NT5C2: variants seen among roughly 807,000 people sequenced by gnomAD.
NT5C2 encodes the protein 5'-nucleotidase, cytosolic II, also known as cytosolic purine 5'-nucleotidase.
In NT5C2, 58 loss-of-function variants were observed where a neutral mutation model predicts 76.1. That is an observed-to-expected ratio of 0.76 (90% CI 0.62 to 0.95). The LOEUF (loss-of-function observed/expected upper bound fraction) is 0.95, where lower values mean the gene tolerates loss of function less well. Ranked by LOEUF, NT5C2 falls within the 40% of genes least tolerant of loss-of-function variation. The probability of loss-of-function intolerance (pLI) is 0.00; values close to 1 mark genes in which losing one functional copy is unlikely to be tolerated. For missense variants in NT5C2, 478 were observed against 690.3 expected, an observed-to-expected ratio of 0.69 and a Z score of 3.45; for synonymous variants, 229 against 237.4, an observed-to-expected ratio of 0.96 and a Z score of 0.32.
intron 2 of NT5C2, chr10:103,176,189 G>C (rs1172916514): frequency 6.5e-6 from 1 of 153,388 alleles, no homozygotes; most frequent in African/African-American, 2.4e-5. Flanking sequence ...GAAAGGAAGG[G>C]GCTATTGCCT....
chr10:103,186,228 T>C (rs1048627497), intron 1 of NT5C2, among the ~76,000 whole-genome samples: 8 of 152,176 alleles, frequency 5.3e-5, no homozygotes, highest in African/African-American at 7.2e-5. Flanking sequence ...GTTTCTTCCA[T>C]TGCAAAACAG....
intron 3 of NT5C2, among the ~76,000 whole-genome samples, chr10:103,163,255 A>T (rs1049126539): frequency 4.6e-5 from 7 of 152,222 alleles, no homozygotes; most frequent in Non-Finnish European, 8.8e-5. Flanking sequence ...AACATTATCC[A>T]TTGTGTGAAC....
chr10:103,183,015 T>C (rs1278589327), intron 1 of NT5C2, among the ~76,000 whole-genome samples: 1 of 151,944 alleles, frequency 6.6e-6, no homozygotes, highest in Non-Finnish European at 1.5e-5. Context: ...CTCTGTAACA[T>C]AGCCACAGAC....
At chr10:103,164,111 G>A (rs1413419461) in intron 3 of NT5C2, among the ~76,000 whole-genome samples, 3 of 152,078 alleles carry the variant, frequency 2.0e-5, no homozygotes, top group Non-Finnish European at 4.4e-5. Context: ...TAGGTGTGGT[G>A]GTGTGCTCCT....
At chr10:103,172,085 C>A (rs913322136) in intron 3 of NT5C2, among the ~76,000 whole-genome samples, 12 of 151,836 alleles carry the variant, frequency 7.9e-5, no homozygotes, top group Admixed American at 7.9e-4. Flanking sequence ...TGGTGTGTGC[C>A]TGTAATCCCA....
At chr10:103,189,462 T>C (rs1013482416) in intron 1 of NT5C2, among the ~76,000 whole-genome samples, 10 of 151,400 alleles carry the variant, frequency 6.6e-5, no homozygotes, top group Admixed American at 2.6e-4. Flanking sequence ...AAAAATTAGC[T>C]GGGCGTGGTG....
At position 103,098,998 on chromosome 10, in the gene NT5C2, A is replaced by C. The variant is rs200522283; in HGVS notation, c.634-14T>G. 5.5e-4 allele frequency: 873 copies of C among 1,590,966 alleles called. 8 individuals are homozygous for C. In the South Asian group the frequency reaches 5.9e-3, roughly 11 times the overall value. On this transcript the variant is annotated splice_polypyrimidine_tract_variant and intron_variant, in intron 9 of 18. Transcript: ENST00000404739. Reference sequence around the variant, plus strand: ...CTTAAGGGAGCCCTGGAGGAAGACAAAAAAAAGAATTAAGAAAAGAACAAA... The same window carrying C: ...CTTAAGGGAGCCCTGGAGGAAGACACAAAAAAGAATTAAGAAAAGAACAAA...
intron 3 of NT5C2, among the ~76,000 whole-genome samples, chr10:103,161,680 C>T (rs758181363): frequency 2.6e-5 from 4 of 151,724 alleles, no homozygotes; most frequent in East Asian, 1.9e-4. Flanking sequence ...GCTATGACTG[C>T]GCCACTGTAC....
intron 1 of NT5C2, 120 bp downstream of exon 1, chr10:103,193,115 CG>C: frequency 7.3e-6 from 1 of 136,378 alleles, no homozygotes; most frequent in Non-Finnish European, 1.6e-5. Context: ...CCCTGGGGGC[CG>C]GGGGCGGGGG....
At chr10:103,097,244 C>T (rs2068431051) in intron 11 of NT5C2, 47 bp downstream of exon 11, 2 of 1,381,758 alleles carry the variant, frequency 1.4e-6, no homozygotes, top group Non-Finnish European at 2.0e-6. Flanking sequence ...GTTCTTTAGG[C>T]CAAAATAATT....
At chr10:103,105,016 T>G (rs1329224630) in intron 6 of NT5C2, among the ~76,000 whole-genome samples, 4 of 152,134 alleles carry the variant, frequency 2.6e-5, no homozygotes, top group African/African-American at 9.7e-5. Flanking sequence ...CTACAGAAGT[T>G]GTCAAATTGT....
chr10:103,091,449 G>T lies in NT5C2; in HGVS notation c.1211+115C>A, dbSNP rs192625966. Reference sequence around the variant, plus strand: ...CAACCTCCATTTCCCCGGTTCAAACGATTCTCCTGCCTCAGCCTCCCAAAT... The same window carrying T: ...CAACCTCCATTTCCCCGGTTCAAACTATTCTCCTGCCTCAGCCTCCCAAAT... On this transcript the variant is annotated intron_variant, in intron 16 of 18. Transcript: ENST00000404739. The T allele has an allele frequency of 3.4e-5, 27 of 787,850 alleles. No homozygotes were observed. The East Asian group carries it at 7.0e-4, about 20-fold the overall frequency. 48.8% of individuals were successfully genotyped at this position (787,850 alleles called of 1,614,324 possible). A position where few individuals can be genotyped will look rare whatever the true frequency, so the allele number is the denominator to read the frequency against.
Position 103,145,431 on chromosome 10 carries a change from A to G in NT5C2, c.102-5952T>C, listed in dbSNP as rs1213877471. On this transcript the variant is annotated intron_variant, in intron 3 of 18. Coordinates refer to ENST00000404739, the MANE Select transcript of NT5C2 (RefSeq NM_001351169.2). ...CTGCCCCATCATACATTTCAAAACA[A>G]AAAGATTTATCTGCTTGAGGAATCC... Among the ~76,000 whole-genome samples, 6 of 152,202 alleles carry G rather than the reference A, an allele frequency of 3.9e-5. No individual in the cohort carries two copies. The East Asian group carries it at 1.2e-3, about 29-fold the overall frequency.
Position 103,100,017 on chromosome 10 carries a change from C to G in NT5C2, c.542G>C (p.Cys181Ser). The G allele has an allele frequency of 6.3e-7, 1 of 1,595,914 alleles. No homozygotes were observed. Among genetic ancestry groups the G allele is most frequent in the Non-Finnish European group, 8.6e-7 (1 of 1,164,486 alleles). Residue 181 changes from cysteine (C) to serine (S), a missense_variant and splice_region_variant, in exon 9 of 19, where the codon TGT becomes TCT. Coordinates refer to ENST00000404739, the MANE Select transcript of NT5C2 (RefSeq NM_001351169.2). ...FFTNCPRYTS[C>S]ETGFKDGDLF... Reference sequence around the variant, plus strand: ...GTCCCCATCTTTAAATCCTGTTTCACAACTACAGAAAGATAAAAATAACAT... The same window carrying G: ...GTCCCCATCTTTAAATCCTGTTTCAGAACTACAGAAAGATAAAAATAACAT...
rs572931262 is a variant in NT5C2, at chr10:103,140,869, T to G, written c.102-1390A>C. Among the ~76,000 whole-genome samples, 67 of 152,352 alleles carry G rather than the reference T, an allele frequency of 4.4e-4. No individual in the cohort carries two copies. In the Middle Eastern group the frequency reaches 0.01, roughly 23 times the overall value. On this transcript the variant is annotated intron_variant, in intron 3 of 18. Coordinates refer to ENST00000404739, the MANE Select transcript of NT5C2 (RefSeq NM_001351169.2). ...TCTATGCAGGTCCTTTGCCCATTTT[T>G]GGGTCATTTCTTTTTTCGCTATTGT... is the stretch of plus-strand genomic sequence containing the variant.
At chr10:103,186,724 C>A (rs931327271) in intron 1 of NT5C2, among the ~76,000 whole-genome samples, 1 of 151,004 alleles carries the variant, frequency 6.6e-6, no homozygotes, top group Non-Finnish European at 1.5e-5. Context: ...ACCATCCTGG[C>A]TAACACAGTG....
intron 4 of NT5C2, among the ~76,000 whole-genome samples, chr10:103,132,068 C>G (rs2078281735): frequency 6.6e-6 from 1 of 151,938 alleles, no homozygotes; most frequent in Admixed American, 6.6e-5. Context: ...CGGTGAAACC[C>G]TATCTCTACT....
In NT5C2 at chr10:103,088,070, ATATC is replaced by A. The variant is rs1331419300; in HGVS notation, c.*1598_*1601del. 1.3e-5 allele frequency: 2 copies of A among 152,254 alleles called. No homozygotes were observed. Among genetic ancestry groups the A allele is most frequent in the Non-Finnish European group, 2.9e-5 (2 of 68,046 alleles). The allele number at this position is 152,254 out of a possible 1,614,324, so 9.4% of individuals were successfully genotyped here. A position where few individuals can be genotyped will look rare whatever the true frequency, so the allele number is the denominator to read the frequency against. ...TTGAATATTTATTTCCTTTAAGAGAATATCAAACTGATGTCACCAAATCTAAACC... is the reference window on the plus strand; with the variant it reads ...TTGAATATTTATTTCCTTTAAGAGAAAAACTGATGTCACCAAATCTAAACC... On this transcript the variant is annotated 3_prime_UTR_variant, in exon 19 of 19. Coordinates refer to ENST00000404739, the MANE Select transcript of NT5C2 (RefSeq NM_001351169.2).
At chr10:103,139,515 G>T in intron 3 of NT5C2, 36 bp from the exon 4 acceptor site, 2 of 1,308,664 alleles carry the variant, frequency 1.5e-6, no homozygotes, top group Non-Finnish European at 2.1e-6. Context: ...TCTCAACACT[G>T]GAAAATAAAT....
Sources: allele counts gnomAD v4.1 joint callset (sites outside exome capture counted in the v4.1 genomes callset), GRCh38; gene constraint gnomAD v4.1.1; transcripts MANE v1.5; gene names NCBI Gene and HGNC (gene_info 2026-07-23, HGNC 2026-07-21).